SCFD2: variants seen among roughly 807,000 people sequenced by gnomAD.
SCFD2 encodes the protein sec1 family domain-containing protein 2.
In SCFD2, 54 loss-of-function variants were observed where a neutral mutation model predicts 58.9. That is an observed-to-expected ratio of 0.92 (90% CI 0.74 to 1.15). SCFD2 has a LOEUF of 1.15. Ranked by LOEUF, SCFD2 falls within the 50% of genes most tolerant of loss-of-function variation. The probability of loss-of-function intolerance (pLI) is 0.00; values close to 1 mark genes in which losing one functional copy is unlikely to be tolerated. For missense variants in SCFD2, 805 were observed against 836.6 expected, an observed-to-expected ratio of 0.96 and a Z score of 0.47; for synonymous variants, 321 against 335.9, an observed-to-expected ratio of 0.96 and a Z score of 0.49.
intron 5 of SCFD2, among the ~76,000 whole-genome samples, chr4:52,978,912 C>A (rs905185238): frequency 6.6e-6 from 1 of 151,954 alleles, no homozygotes; most frequent in African/African-American, 2.4e-5. Flanking sequence ...CCAGTGTAAC[C>A]TGTTGGACTG....
At chr4:52,914,642 A>C (rs1314755399) in intron 6 of SCFD2, among the ~76,000 whole-genome samples, 1 of 152,198 alleles carries the variant, frequency 6.6e-6, no homozygotes, top group Non-Finnish European at 1.5e-5. Context: ...ACAAACATAC[A>C]GTGCCTTGGG....
At chr4:53,011,166 T>A (rs1455066903) in intron 5 of SCFD2, among the ~76,000 whole-genome samples, 1 of 152,228 alleles carries the variant, frequency 6.6e-6, no homozygotes, top group Non-Finnish European at 1.5e-5. Flanking sequence ...GTATTCTTTC[T>A]ATGAGGATAG....
Position 53,365,785 on chromosome 4 carries a change from C to A in SCFD2, c.157G>T (p.Asp53Tyr), listed in dbSNP as rs1202060526. 2 of 1,613,940 alleles carry A rather than the reference C, an allele frequency of 1.2e-6. No individual in the cohort carries two copies. The highest frequency in any genetic ancestry group is 1.6e-4 in the Middle Eastern group (1 of 6,062). The change falls in exon 1 of 9, where the codon GAC becomes TAC. Residue 53 changes from aspartate to tyrosine, a missense_variant. Physicochemically the swap from Asp to Tyr is radical, Grantham distance 160. This residue lies in a region of SCFD2 where 155 missense variants were observed against 149.7 expected (regional missense o/e 1.04). Transcript: ENST00000401642. This position sits in a 1 kb window ranked among gnomAD's most constrained non-coding sequence, Gnocchi z 4.3. ...GGCTCGAACTCTCGCAGGTGACAGT[C>A]AGGACCCCCCACCGCCTCCAGGAGA... ...TRLLEAVGGP[D>Y]CHLREFEPDA...
At chr4:52,927,002 T>C (rs147416645) in intron 5 of SCFD2, among the ~76,000 whole-genome samples, 14 of 152,344 alleles carry the variant, frequency 9.2e-5, no homozygotes, top group Admixed American at 2.0e-4. Flanking sequence ...AGTGGCATGA[T>C]ATCTGAAATT....
chr4:53,231,177 T>TA (rs1159732718), intron 4 of SCFD2, among the ~76,000 whole-genome samples: 25 of 151,458 alleles, frequency 1.7e-4, no homozygotes, highest in South Asian at 4.2e-4. Context: ...ACTAGTTTTT[T>TA]AAAAAAAAAC....
intron 2 of SCFD2, among the ~76,000 whole-genome samples, chr4:53,324,056 A>C (rs942417060): frequency 6.6e-6 from 1 of 152,170 alleles, no homozygotes; most frequent in Admixed American, 6.5e-5. Context: ...AACAACTTGC[A>C]CAAGGTTGAA....
intron 3 of SCFD2, among the ~76,000 whole-genome samples, chr4:53,287,126 C>T (rs1731693164): frequency 6.6e-6 from 1 of 152,158 alleles, no homozygotes; most frequent in African/African-American, 2.4e-5. Flanking sequence ...CTAGGGAGTG[C>T]CTCACACTCA....
rs142006726 is a variant in SCFD2, at chr4:52,962,670, T to TGG, written c.1562-41801_1562-41800insCC. Among the ~76,000 whole-genome samples, 65 of 150,808 alleles carry TGG rather than the reference T, an allele frequency of 4.3e-4. No individual in the cohort carries two copies. The East Asian group carries it at 4.9e-3, about 11-fold the overall frequency. ...TGTTAATGCTATGATGAAAATAGTT[T>TGG]AGAGGGGGGCAGCATTACTGAAACA... is the stretch of plus-strand genomic sequence containing the variant. On this transcript the variant is annotated intron_variant, in intron 5 of 8. Transcript: ENST00000401642.
chr4:53,285,954 C>T (rs1356834160), intron 3 of SCFD2, among the ~76,000 whole-genome samples: 2 of 152,148 alleles, frequency 1.3e-5, no homozygotes, highest in African/African-American at 4.8e-5. Context: ...CCCACAACCC[C>T]GTGGCCCAAG....
rs892846010 is a variant in SCFD2 at position 52,907,395 on chromosome 4, T to C, written c.1842+62A>G. On this transcript the variant is annotated intron_variant, in intron 7 of 8. Coordinates refer to ENST00000401642, the MANE Select transcript of SCFD2 (RefSeq NM_152540.4). ...GGCTAGGGTTAACAGGGTGCCAGCA[T>C]TTTCATGCCCAGCAAAGAGAACATT... 22 of 1,569,374 alleles carry C rather than the reference T, an allele frequency of 1.4e-5. No homozygotes were observed. The African/African-American group carries it at 2.4e-4, about 17-fold the overall frequency.
At chr4:53,343,208 G>A (rs1230815565) in intron 2 of SCFD2, among the ~76,000 whole-genome samples, 4 of 151,948 alleles carry the variant, frequency 2.6e-5, no homozygotes, top group South Asian at 4.2e-4. Context: ...TTGATAGACC[G>A]CTAACAAGAC....
At chr4:53,162,199 C>T (rs1726873554) in intron 4 of SCFD2, among the ~76,000 whole-genome samples, 1 of 151,880 alleles carries the variant, frequency 6.6e-6, no homozygotes, top group African/African-American at 2.4e-5. Context: ...AACAATTTTG[C>T]AACTCTGATC....
intron 5 of SCFD2, among the ~76,000 whole-genome samples, chr4:53,086,569 A>G (rs528321133): frequency 2.0e-5 from 3 of 152,334 alleles, no homozygotes; most frequent in Admixed American, 6.5e-5. Context: ...TGTCAAAGAG[A>G]TATCTGCACT....
intron 2 of SCFD2, among the ~76,000 whole-genome samples, chr4:53,316,094 C>G (rs1165603006): frequency 6.6e-6 from 1 of 152,236 alleles, no homozygotes; most frequent in African/African-American, 2.4e-5. Context: ...TCTCCCCTTA[C>G]TGCCCTGCTT....
chr4:53,060,925 C>T (rs1709634032), intron 5 of SCFD2, among the ~76,000 whole-genome samples: 1 of 152,134 alleles, frequency 6.6e-6, no homozygotes, highest in African/African-American at 2.4e-5. Context: ...TGCTGCTTTA[C>T]TGGGTCGTAA....
intron 7 of SCFD2, among the ~76,000 whole-genome samples, chr4:52,904,246 T>G (rs1719292635): frequency 6.6e-6 from 1 of 152,182 alleles, no homozygotes; most frequent in Non-Finnish European, 1.5e-5. Context: ...AGTTCTAGAA[T>G]TATCCCATTT....
intron 5 of SCFD2, among the ~76,000 whole-genome samples, chr4:53,131,891 T>C (rs1043283111): frequency 6.6e-6 from 1 of 152,254 alleles, no homozygotes; most frequent in Admixed American, 6.5e-5. Flanking sequence ...CAAGAGTCAG[T>C]AATAGCTAAT....
intron 2 of SCFD2, among the ~76,000 whole-genome samples, chr4:53,334,921 G>A (rs1280034126): frequency 6.6e-6 from 1 of 152,094 alleles, no homozygotes; most frequent in African/African-American, 2.4e-5. Flanking sequence ...AACAGGCAGG[G>A]CGCGATGGCT....
intron 5 of SCFD2, chr4:52,956,183 G>T (rs1049600154): frequency 1.5e-5 from 7 of 456,590 alleles, no homozygotes; most frequent in African/African-American, 1.2e-4. Flanking sequence ...CTCACAGAAT[G>T]GTCATCCCTG....
Sources: allele counts gnomAD v4.1 joint callset (sites outside exome capture counted in the v4.1 genomes callset), GRCh38; gene constraint gnomAD v4.1.1; regional missense constraint gnomAD v4.1.1; non-coding constraint Gnocchi (gnomAD v3.1); transcripts MANE v1.5; gene names NCBI Gene and HGNC (gene_info 2026-07-23, HGNC 2026-07-21).